Variants in MGAT4C observed in about 807,000 individuals in gnomAD.
MGAT4C encodes MGAT4 family member C.
In MGAT4C, 19 loss-of-function variants were observed where a neutral mutation model predicts 40.1. The observed-to-expected ratio is 0.47, with a 90% CI of 0.33 to 0.70. The LOEUF is 0.70. MGAT4C is among the 30% of genes least tolerant of loss of function. The pLI is 0.02. For missense variants in MGAT4C, 491 were observed against 563.2 expected (o/e 0.87, Z 1.30); for synonymous variants, 181 against 187.1 (o/e 0.97, Z 0.27).
intron 4 of MGAT4C, among the ~76,000 whole-genome samples, chr12:86,314,495 G>A (rs76759151): frequency 0.011 from 1,703 of 152,294 alleles, 19 homozygotes; most frequent in East Asian, 0.046. Context: ...AGGAAAAGAA[G>A]TCAAACTATC....
At chr12:86,452,217 T>C (rs571206006) in intron 2 of MGAT4C, among the ~76,000 whole-genome samples, 1 of 151,792 alleles carries the variant, frequency 6.6e-6, no homozygotes, top group Admixed American at 6.6e-5. Context: ...TATATACTTT[T>C]TTATTATACT....
At chr12:86,393,787 C>CAT (rs10667700) in intron 3 of MGAT4C, among the ~76,000 whole-genome samples, 97,160 of 151,810 alleles carry the variant, frequency 0.64, 31,749 homozygotes, top group South Asian at 0.77. Context: ...TAGCCATAGG[C>CAT]ATTTAATGCC....
chr12:86,727,552 CA>C (rs2136116201), intron 1 of MGAT4C, among the ~76,000 whole-genome samples: 1 of 150,900 alleles, frequency 6.6e-6, no homozygotes, highest in Admixed American at 6.6e-5. Flanking sequence ...AAAGGAAAGC[CA>C]GAAGTTAAAA....
intron 2 of MGAT4C, among the ~76,000 whole-genome samples, chr12:86,017,130 T>A (rs76261988): frequency 0.071 from 10,754 of 151,944 alleles, 535 homozygotes; most frequent in Middle Eastern, 0.23. Flanking sequence ...TGAAAACATT[T>A]AAAAAAAACG....
At chr12:86,616,635 T>C (rs1261796483) in intron 2 of MGAT4C, among the ~76,000 whole-genome samples, 1 of 152,050 alleles carries the variant, frequency 6.6e-6, no homozygotes, top group Non-Finnish European at 1.5e-5. Flanking sequence ...CAGTACATGC[T>C]ACTCATTTAT....
At chr12:85,992,082 A>T (rs1342634240) in intron 2 of MGAT4C, among the ~76,000 whole-genome samples, 1 of 152,198 alleles carries the variant, frequency 6.6e-6, no homozygotes, top group East Asian at 1.9e-4. Flanking sequence ...GGGTCTGCGG[A>T]AAGGTAAGTA....
chr12:86,419,781 G>A (rs1391359490), intron 3 of MGAT4C, among the ~76,000 whole-genome samples: 3 of 152,128 alleles, frequency 2.0e-5, no homozygotes, highest in African/African-American at 7.2e-5. Flanking sequence ...TTGTGATAAT[G>A]TGAAGGGTGT....
intron 2 of MGAT4C, among the ~76,000 whole-genome samples, chr12:86,691,726 T>C (rs926565149): frequency 3.3e-5 from 5 of 152,160 alleles, no homozygotes; most frequent in Admixed American, 2.6e-4. Context: ...TTCAGTATTA[T>C]ATATAAGACA....
chr12:86,168,937 A>G (rs1328346454), intron 1 of MGAT4C, among the ~76,000 whole-genome samples: 1 of 152,144 alleles, frequency 6.6e-6, no homozygotes, highest in Non-Finnish European at 1.5e-5. Context: ...AGTAGCATCA[A>G]TAACTATGTT....
At chr12:86,084,541 T>A (rs77936926) in intron 1 of MGAT4C, among the ~76,000 whole-genome samples, 11,767 of 151,904 alleles carry the variant, frequency 0.077, 627 homozygotes, top group Middle Eastern at 0.23. Context: ...ACTGTTTTTT[T>A]AAAAAAGATA....
chr12:86,381,408 G>A (rs893535392), intron 3 of MGAT4C, among the ~76,000 whole-genome samples: 16 of 152,240 alleles, frequency 1.1e-4, no homozygotes, highest in South Asian at 4.1e-4. Flanking sequence ...CTTACGACCC[G>A]GGGAGGTCTC....
chr12:85,995,098 CT>C (rs1032372803), intron 2 of MGAT4C, among the ~76,000 whole-genome samples: 14 of 152,118 alleles, frequency 9.2e-5, no homozygotes, highest in African/African-American at 3.4e-4. Flanking sequence ...CAGTTGATGA[CT>C]TTTTTTCTAA....
At chr12:86,122,529 A>C (rs1275138518) in intron 1 of MGAT4C, among the ~76,000 whole-genome samples, 1 of 152,174 alleles carries the variant, frequency 6.6e-6, no homozygotes, top group Non-Finnish European at 1.5e-5. Flanking sequence ...TAAATAGGTA[A>C]TTAATCTATA....
At chr12:86,680,231 A>T (rs1949955705) in intron 2 of MGAT4C, among the ~76,000 whole-genome samples, 2 of 152,020 alleles carry the variant, frequency 1.3e-5, no homozygotes. Flanking sequence ...GTATTTGAAG[A>T]TTGCTAATAT....
intron 1 of MGAT4C, among the ~76,000 whole-genome samples, chr12:86,132,645 A>AG (rs1881364862): frequency 6.6e-6 from 1 of 152,208 alleles, no homozygotes; most frequent in Non-Finnish European, 1.5e-5. Context: ...TACAAAAATT[A>AG]GCTGGGCATG....
chr12:86,771,686 A>ATGTGTG (rs59917182), intron 1 of MGAT4C, among the ~76,000 whole-genome samples: 17 of 146,756 alleles, frequency 1.2e-4, no homozygotes, highest in Non-Finnish European at 1.5e-4. Flanking sequence ...ATAAATATAT[A>ATGTGTG]TGTGTGTGTG....
intron 3 of MGAT4C, among the ~76,000 whole-genome samples, chr12:86,362,585 AC>A (rs1955500899): frequency 6.6e-6 from 1 of 152,178 alleles, no homozygotes; most frequent in Admixed American, 6.5e-5. Context: ...TAAGAAAAAT[AC>A]TTTAAATATA....
chr12:86,290,647 A>G (rs1386356205), intron 4 of MGAT4C, among the ~76,000 whole-genome samples: 3 of 152,052 alleles, frequency 2.0e-5, no homozygotes, highest in Non-Finnish European at 4.4e-5. Flanking sequence ...TCAAACCCCA[A>G]TGACATGCAA....
At chr12:86,495,448 T>G (rs981477673) in intron 2 of MGAT4C, 1 of 152,106 alleles carries the variant, frequency 6.6e-6, no homozygotes, top group South Asian at 2.1e-4. Flanking sequence ...AATAATAATT[T>G]ATTTTCCACA....
Sources: allele counts gnomAD v4.1 joint callset (sites outside exome capture counted in the v4.1 genomes callset), GRCh38; gene constraint gnomAD v4.1.1; transcripts MANE v1.5; gene names NCBI Gene and HGNC (gene_info 2026-07-23, HGNC 2026-07-21).